Variants in ALCAM observed in about 807,000 individuals in gnomAD.
ALCAM encodes the protein activated leukocyte cell adhesion molecule.
ALCAM carries 30 observed loss-of-function variants against 70.9 expected under a neutral mutation model. The ratio of observed to expected loss-of-function variants is 0.42; its 90% CI spans 0.32 to 0.57. The LOEUF is 0.57. ALCAM is among the 20% of genes least tolerant of loss of function. The pLI is 0.11. For missense variants in ALCAM, 591 were observed against 695.1 expected, an observed-to-expected ratio of 0.85 and a Z score of 1.68; for synonymous variants, 249 against 242.5, an observed-to-expected ratio of 1.03 and a Z score of -0.25.
Position 105,371,126 on chromosome 3 carries a change from T to A in ALCAM, c.73+3645T>A, listed in dbSNP as rs1021544646. Among the ~76,000 whole-genome samples, 5 of 152,326 alleles carry A rather than the reference T, an allele frequency of 3.3e-5. No individual in the cohort carries two copies. The South Asian group carries it at 8.3e-4, about 25-fold the overall frequency. On this transcript the variant is annotated intron_variant, in intron 1 of 15. Coordinates refer to ENST00000306107, the MANE Select transcript of ALCAM (RefSeq NM_001627.4). ...AAAATTCAAACTAGCTTATCTTTTTTAATAGACATTCAGATGAAAATGCAT... is the reference window on the plus strand; with the variant it reads ...AAAATTCAAACTAGCTTATCTTTTTAAATAGACATTCAGATGAAAATGCAT...
chr3:105,377,304 C>A (rs1172375895), intron 1 of ALCAM, among the ~76,000 whole-genome samples: 1 of 151,976 alleles, frequency 6.6e-6, no homozygotes, highest in Non-Finnish European at 1.5e-5. Context: ...AGTGAACATC[C>A]TAATCATGTT....
At chr3:105,539,672 T>C (rs1940067371) in intron 6 of ALCAM, among the ~76,000 whole-genome samples, 1 of 152,020 alleles carries the variant, frequency 6.6e-6, no homozygotes, top group African/African-American at 2.4e-5. Flanking sequence ...AGCCATGCAG[T>C]TTGATTGTTC....
At chr3:105,383,338 C>G (rs1275947992) in intron 1 of ALCAM, among the ~76,000 whole-genome samples, 1 of 151,718 alleles carries the variant, frequency 6.6e-6, no homozygotes, top group East Asian at 1.9e-4. Flanking sequence ...ATACATGGTA[C>G]ATTTTCGGTA....
intron 14 of ALCAM, among the ~76,000 whole-genome samples, chr3:105,562,868 C>G (rs939565408): frequency 2.0e-5 from 3 of 152,120 alleles, no homozygotes; most frequent in African/African-American, 4.8e-5. Flanking sequence ...CGCAATGTCA[C>G]GATCTCAGCT....
Position 105,531,956 on chromosome 3 carries a change from G to A in ALCAM, c.395-46G>A, listed in dbSNP as rs116322690. Reference sequence around the variant, plus strand: ...CTGTGAATCAAATCACAGAAGTCCCGTTTTTCTTACATATGTACTTAAAAT... The same window carrying A: ...CTGTGAATCAAATCACAGAAGTCCCATTTTTCTTACATATGTACTTAAAAT... On this transcript the variant is annotated intron_variant, in intron 3 of 15. Coordinates refer to ENST00000306107, the MANE Select transcript of ALCAM (RefSeq NM_001627.4). The A allele has an allele frequency of 6.6e-3, 9,935 of 1,509,138 alleles. 44 individuals are homozygous for A. The highest frequency in any genetic ancestry group is 7.9e-3 in the Non-Finnish European group (8,564 of 1,085,922). 93.5% of individuals were successfully genotyped at this position (1,509,138 alleles called of 1,614,324 possible).
At chr3:105,557,267 A>G (rs923029132) in intron 14 of ALCAM, among the ~76,000 whole-genome samples, 8 of 152,076 alleles carry the variant, frequency 5.3e-5, no homozygotes, top group African/African-American at 1.9e-4. Flanking sequence ...GGCTGCCAGA[A>G]GGAAGAAAAG....
chr3:105,550,035 C>T, intron 11 of ALCAM, 92 bp from the exon 12 acceptor site: 1 of 1,234,790 alleles, frequency 8.1e-7, no homozygotes. Flanking sequence ...CTATAGAGCA[C>T]CACGCCTATC....
At chr3:105,416,810 T>G (rs548865268) in intron 1 of ALCAM, among the ~76,000 whole-genome samples, 27 of 152,182 alleles carry the variant, frequency 1.8e-4, no homozygotes, top group African/African-American at 5.3e-4. Flanking sequence ...TAATTCATTT[T>G]CATAATTCCT....
intron 2 of ALCAM, among the ~76,000 whole-genome samples, chr3:105,521,448 A>C (rs1381436855): frequency 6.6e-6 from 1 of 152,084 alleles, no homozygotes; most frequent in East Asian, 1.9e-4. Context: ...TTTTCCTCAG[A>C]TATCTCCAAG....
intron 1 of ALCAM, among the ~76,000 whole-genome samples, chr3:105,376,601 C>G (rs1303986879): frequency 6.6e-6 from 1 of 152,208 alleles, no homozygotes; most frequent in Non-Finnish European, 1.5e-5. Context: ...ATGTTATGTT[C>G]TCTCAGGGAA....
intron 1 of ALCAM, among the ~76,000 whole-genome samples, chr3:105,369,674 G>C (rs1393158605): frequency 6.6e-6 from 1 of 152,162 alleles, no homozygotes; most frequent in African/African-American, 2.4e-5. Flanking sequence ...CGGGGTAACT[G>C]CCTTCCCTGC....
At chr3:105,533,277 G>A (rs934457881) in intron 4 of ALCAM, among the ~76,000 whole-genome samples, 28 of 152,088 alleles carry the variant, frequency 1.8e-4, no homozygotes, top group Admixed American at 5.2e-4. Context: ...TGTTAATAGA[G>A]TAATGTTATT....
chr3:105,552,099 C>T, intron 12 of ALCAM, 45 bp from the exon 13 acceptor site: 1 of 1,455,324 alleles, frequency 6.9e-7, no homozygotes, highest in Non-Finnish European at 9.4e-7. Context: ...TTTCATATAT[C>T]AACAAATTTT....
intron 1 of ALCAM, among the ~76,000 whole-genome samples, chr3:105,400,197 T>C (rs1398488460): frequency 1.3e-5 from 2 of 152,138 alleles, no homozygotes; most frequent in Non-Finnish European, 2.9e-5. Context: ...TTTGGGTCAT[T>C]AAGAAGATGA....
chr3:105,374,280 G>A (rs1208923937), intron 1 of ALCAM, among the ~76,000 whole-genome samples: 1 of 152,082 alleles, frequency 6.6e-6, no homozygotes, highest in Non-Finnish European at 1.5e-5. Context: ...CTGGGGCCAG[G>A]CTCAGTGGCT....
At chr3:105,538,631 AC>A (rs1287259097) in intron 6 of ALCAM, among the ~76,000 whole-genome samples, 2 of 152,222 alleles carry the variant, frequency 1.3e-5, no homozygotes, top group East Asian at 3.9e-4. Context: ...GAGATGTGCC[AC>A]AGTGACATGC....
In ALCAM at chr3:105,559,013, AG is replaced by A. The variant is rs1940574323; in HGVS notation, c.1664+6431del. On this transcript the variant is annotated intron_variant, in intron 14 of 15. Coordinates refer to ENST00000306107, the MANE Select transcript of ALCAM (RefSeq NM_001627.4). ...CTCTCTGCCTTGCAGCTTAGACTAG[AG>A]GGTCACCTTTAGCACTTCTTCCCAC... Among the ~76,000 whole-genome samples, 3 of 152,138 alleles carry A rather than the reference AG, an allele frequency of 2.0e-5. No individual in the cohort carries two copies. The East Asian group carries it at 5.8e-4, about 29-fold the overall frequency.
intron 3 of ALCAM, among the ~76,000 whole-genome samples, chr3:105,528,631 C>G (rs1343084603): frequency 6.6e-6 from 1 of 152,094 alleles, no homozygotes; most frequent in African/African-American, 2.4e-5. Context: ...AACACAGGAA[C>G]AGAAACCAAA....
chr3:105,489,714 A>G (rs1938530452), intron 1 of ALCAM, among the ~76,000 whole-genome samples: 1 of 152,218 alleles, frequency 6.6e-6, no homozygotes, highest in Non-Finnish European at 1.5e-5. Flanking sequence ...CCAGGGAAAA[A>G]TACATAGCAG....
Sources: allele counts gnomAD v4.1 joint callset (sites outside exome capture counted in the v4.1 genomes callset), GRCh38; gene constraint gnomAD v4.1.1; transcripts MANE v1.5; gene names NCBI Gene and HGNC (gene_info 2026-07-23, HGNC 2026-07-21).